TMEM132C: variants seen among roughly 807,000 people sequenced by gnomAD.
TMEM132C encodes the protein transmembrane protein 132C.
A neutral mutation model predicts 61.4 loss-of-function variants in TMEM132C; 29 were observed. That is an observed-to-expected ratio of 0.47 (90% CI 0.35 to 0.64). The LOEUF (loss-of-function observed/expected upper bound fraction) is 0.64, where lower values mean the gene tolerates loss of function less well. Ranked by LOEUF, TMEM132C falls within the 30% of genes least tolerant of loss-of-function variation. The probability of loss-of-function intolerance (pLI) is 0.00; values close to 1 mark genes in which losing one functional copy is unlikely to be tolerated. For missense variants in TMEM132C, 1,408 were observed against 1,476.9 expected (o/e 0.95, Z 0.76); for synonymous variants, 656 against 633.1 (o/e 1.04, Z -0.54).
chr12:128,488,259 A>G (rs552341518), intron 2 of TMEM132C, among the ~76,000 whole-genome samples: 33 of 152,346 alleles, frequency 2.2e-4, no homozygotes, highest in Non-Finnish European at 3.7e-4. Flanking sequence ...AGCCAGTTCT[A>G]TTGGAGAGCA....
In TMEM132C at chr12:128,705,291, A is replaced by C. The variant is rs759293492; in HGVS notation, c.2323A>C (p.Ile775Leu). ...QGPLIRVDMT[I>L]AEACQKSKRK... ...CCCACTGATCCGAGTGGACATGACG[A>C]TCGCCGAGGCCTGCCAGAAATCTAA... Residue 775 changes from isoleucine (I) to leucine (L), a missense_variant, in exon 9 of 9, where the codon ATC becomes CTC. By Grantham distance (5) the Ile-to-Leu change is conservative (BLOSUM62 2). Transcript: ENST00000435159. 56 of 1,551,344 alleles carry C rather than the reference A, an allele frequency of 3.6e-5. No individual in the cohort carries two copies. The highest frequency in any genetic ancestry group is 4.2e-5 in the Non-Finnish European group (48 of 1,146,886).
chr12:128,532,974 C>T (rs1302896212), intron 2 of TMEM132C, among the ~76,000 whole-genome samples: 1 of 152,196 alleles, frequency 6.6e-6, no homozygotes, highest in Admixed American at 6.5e-5. Flanking sequence ...CCACAGCCCC[C>T]TTCCTTTAGA....
chr12:128,351,808 T>C (rs537127443), intron 1 of TMEM132C, among the ~76,000 whole-genome samples: 3 of 152,258 alleles, frequency 2.0e-5, no homozygotes, highest in Non-Finnish European at 4.4e-5. Flanking sequence ...CCACCTCCAA[T>C]ACTGGGGATG....
rs190651681 is a variant in TMEM132C at position 128,630,275 on chromosome 12, A to G, written c.1305+13940A>G. Among the ~76,000 whole-genome samples, 2 of 152,250 alleles carry G rather than the reference A, an allele frequency of 1.3e-5. No individual in the cohort carries two copies. Among genetic ancestry groups the G allele is most frequent in the African/African-American group, 4.8e-5 (2 of 41,582 alleles). On this transcript the variant is annotated intron_variant, in intron 4 of 8. Transcript: ENST00000435159. This position sits in a 1 kb window ranked among gnomAD's most constrained non-coding sequence, Gnocchi z 4.3. Reference sequence around the variant, plus strand: ...TCCAGGGTTGCCACACTGACGGCCCATGAGGGTCACTAGGGGGCAGGGGCT... The same window carrying G: ...TCCAGGGTTGCCACACTGACGGCCCGTGAGGGTCACTAGGGGGCAGGGGCT...
chr12:128,581,943 C>T (rs1875350992), intron 3 of TMEM132C, among the ~76,000 whole-genome samples: 2 of 152,178 alleles, frequency 1.3e-5, no homozygotes, highest in Non-Finnish European at 2.9e-5. Context: ...GTGGCTTCAG[C>T]TCCGCGAATC....
intron 2 of TMEM132C, among the ~76,000 whole-genome samples, chr12:128,518,495 A>C (rs919261328): frequency 6.6e-6 from 1 of 152,238 alleles, no homozygotes; most frequent in Non-Finnish European, 1.5e-5. Flanking sequence ...CCCGGACAAC[A>C]GAACGGGACC....
intron 1 of TMEM132C, among the ~76,000 whole-genome samples, chr12:128,282,345 T>A (rs1870924137): frequency 6.6e-6 from 1 of 152,248 alleles, no homozygotes; most frequent in Non-Finnish European, 1.5e-5. Context: ...AGAGGTTTAA[T>A]TGACTCACAG....
intron 1 of TMEM132C, among the ~76,000 whole-genome samples, chr12:128,407,916 AC>A (rs1875403565): frequency 6.6e-6 from 1 of 151,332 alleles, no homozygotes; most frequent in African/African-American, 2.4e-5. Flanking sequence ...TTATTATGCT[AC>A]ATATCTAGAT....
At chr12:128,535,504 G>A (rs753662046) in intron 2 of TMEM132C, among the ~76,000 whole-genome samples, 1 of 152,138 alleles carries the variant, frequency 6.6e-6, no homozygotes, top group Non-Finnish European at 1.5e-5. Context: ...ATCATCACTT[G>A]CATCAAAGAA....
chr12:128,594,084 G>A (rs1875858666), intron 3 of TMEM132C, among the ~76,000 whole-genome samples: 1 of 114,230 alleles, frequency 8.8e-6, no homozygotes, highest in Admixed American at 1.4e-4. Flanking sequence ...AAAGAAATCA[G>A]CCAAGGGAGA....
chr12:128,276,285 A>C (rs1323404274), intron 1 of TMEM132C, among the ~76,000 whole-genome samples: 1 of 152,212 alleles, frequency 6.6e-6, no homozygotes, highest in Non-Finnish European at 1.5e-5. Context: ...AGTACAATAC[A>C]ATGGAAACCT....
At chr12:128,684,298 G>C (rs1293477388) in intron 5 of TMEM132C, among the ~76,000 whole-genome samples, 1 of 139,408 alleles carries the variant, frequency 7.2e-6, no homozygotes, top group African/African-American at 3.2e-5. Flanking sequence ...AAAGAATCCT[G>C]GTTTCATAGA....
chr12:128,294,651 TCTGGTGAGAGCCGGCTTC>T (rs549077484), intron 1 of TMEM132C, among the ~76,000 whole-genome samples: 4,657 of 152,274 alleles, frequency 0.031, 115 homozygotes, highest in Middle Eastern at 0.058. Context: ...AGATTCACTA[TCTGGTGAGAGCCGGCTTC>T]CTGGTTCATA....
intron 1 of TMEM132C, among the ~76,000 whole-genome samples, chr12:128,377,036 T>A (rs900410393): frequency 6.6e-6 from 1 of 151,678 alleles, no homozygotes; most frequent in Non-Finnish European, 1.5e-5. Flanking sequence ...TTTTATGTCA[T>A]CCTTTACCAT....
intron 3 of TMEM132C, among the ~76,000 whole-genome samples, chr12:128,588,183 CA>C (rs796381991): frequency 3.9e-5 from 6 of 152,288 alleles, no homozygotes; most frequent in African/African-American, 1.4e-4. Flanking sequence ...CCTGTCATCT[CA>C]GCACTTTAGG....
chr12:128,632,506 A>C (rs1482073402), intron 4 of TMEM132C, among the ~76,000 whole-genome samples: 1 of 152,198 alleles, frequency 6.6e-6, no homozygotes, highest in Admixed American at 6.5e-5. Context: ...CAAATTTATT[A>C]GTATTATGCT....
intron 1 of TMEM132C, among the ~76,000 whole-genome samples, chr12:128,306,476 A>G (rs1871788242): frequency 6.6e-6 from 1 of 152,098 alleles, no homozygotes; most frequent in Non-Finnish European, 1.5e-5. Context: ...TGCTGGGATT[A>G]CAGGCGTGAG....
At chr12:128,444,505 G>A (rs772732606) in intron 2 of TMEM132C, among the ~76,000 whole-genome samples, 2 of 152,208 alleles carry the variant, frequency 1.3e-5, no homozygotes, top group Non-Finnish European at 2.9e-5. Flanking sequence ...CAGACTGGTA[G>A]TGAATTAAGC....
chr12:128,683,057 G>A (rs1279997191), intron 5 of TMEM132C, among the ~76,000 whole-genome samples: 1 of 152,184 alleles, frequency 6.6e-6, no homozygotes. Context: ...GACAGATGGT[G>A]CAGAGGGTGA....
Sources: gnomAD v4.1 joint callset for allele counts (sites outside exome capture counted in the v4.1 genomes callset) on GRCh38, gnomAD v4.1.1 for gene constraint, Gnocchi (gnomAD v3.1) non-coding constraint, MANE v1.5 for transcripts, NCBI Gene and HGNC (gene_info 2026-07-23, HGNC 2026-07-21) for gene names.